The following DLGAP2 variants were observed in gnomAD, a reference collection of about 807,000 sequenced individuals.
DLGAP2 encodes DLG associated protein 2.
Under a neutral mutation model 100.3 loss-of-function variants are expected in DLGAP2, and 26 were observed. The observed-to-expected ratio is 0.26, with a 90% CI of 0.19 to 0.36. DLGAP2 has a LOEUF of 0.36. DLGAP2 is among the 10% of genes least tolerant of loss of function. DLGAP2 has a pLI of 1.00. For missense variants in DLGAP2, 1,858 were observed against 1,453.2 expected (o/e 1.28, Z -4.53); for synonymous variants, 886 against 630.1 (o/e 1.41, Z -6.08).
At chr8:1,587,954 T>C (rs1271308446) in intron 6 of DLGAP2, among the ~76,000 whole-genome samples, 2 of 152,164 alleles carry the variant, frequency 1.3e-5, no homozygotes, top group African/African-American at 4.8e-5. Context: ...ATGAGCTACT[T>C]TTCTGAGTTT....
intron 1 of DLGAP2, among the ~76,000 whole-genome samples, chr8:788,096 C>T (rs1298018258): frequency 6.6e-6 from 1 of 152,156 alleles, no homozygotes. Context: ...TGTTGGGTCT[C>T]CCCCCACCAG....
At chr8:1,457,990 A>ATATATATATG (rs1417967502) in intron 3 of DLGAP2, among the ~76,000 whole-genome samples, 2 of 116,402 alleles carry the variant, frequency 1.7e-5, no homozygotes, top group African/African-American at 9.1e-5. Context: ...ATATATATAT[A>ATATATATATG]TATATATATA....
intron 3 of DLGAP2, among the ~76,000 whole-genome samples, chr8:1,360,284 C>T (rs1326848414): frequency 6.6e-4 from 12 of 18,080 alleles, no homozygotes; most frequent in South Asian, 6.6e-3. Flanking sequence ...TTCTCTGGGG[C>T]GGGGCTTCTC....
At position 1,362,457 on chromosome 8, in the gene DLGAP2, C is replaced by T. The variant is rs139437769; in HGVS notation, c.106+103574C>T. Among the ~76,000 whole-genome samples the T allele has an allele frequency of 6.6e-3, 997 of 152,078 alleles. 6 individuals carry two copies. Among genetic ancestry groups the T allele is most frequent in the Non-Finnish European group, 1.0e-2 (679 of 67,944 alleles). The stretch of plus-strand genomic sequence containing the variant: ...GAGGCTCGGTAAGGGCTGGCGTGGT[C>T]CATGTGCAGCCTCCGGCGGGGACAC... On this transcript the variant is annotated intron_variant, in intron 3 of 14. Transcript: ENST00000637795.
chr8:850,982 G>A (rs575517104), intron 1 of DLGAP2, among the ~76,000 whole-genome samples: 27 of 152,284 alleles, frequency 1.8e-4, no homozygotes, highest in African/African-American at 6.0e-4. Flanking sequence ...CATGTACAGA[G>A]CTATGTGATG....
chr8:1,007,533 G>A (rs909552119), intron 2 of DLGAP2, among the ~76,000 whole-genome samples: 2 of 152,110 alleles, frequency 1.3e-5, no homozygotes, highest in African/African-American at 2.4e-5. Context: ...CAAGGCCAGC[G>A]GATGTACACG....
At chr8:1,655,251 T>G (rs1388923572) in intron 8 of DLGAP2, among the ~76,000 whole-genome samples, 1 of 152,232 alleles carries the variant, frequency 6.6e-6, no homozygotes, top group Non-Finnish European at 1.5e-5. Flanking sequence ...CTAGCATTAA[T>G]TAAAGTGTCA....
intron 3 of DLGAP2, among the ~76,000 whole-genome samples, chr8:1,467,015 G>T (rs74420326): frequency 0.15 from 22,408 of 150,336 alleles, 1,894 homozygotes; most frequent in South Asian, 0.27. Context: ...TCAAGAAAGT[G>T]GGGGGGATGT....
intron 6 of DLGAP2, among the ~76,000 whole-genome samples, chr8:1,613,332 A>T (rs980236462): frequency 6.6e-6 from 1 of 151,202 alleles, no homozygotes; most frequent in Non-Finnish European, 1.5e-5. Flanking sequence ...CATAGGTGGG[A>T]ACTGAACAAT....
Position 834,335 on chromosome 8 carries a change from T to C in DLGAP2, c.19-73577T>C, listed in dbSNP as rs1252199142. On this transcript the variant is annotated intron_variant, in intron 1 of 14. Coordinates refer to ENST00000637795, the MANE Select transcript of DLGAP2 (RefSeq NM_001346810.2). ...TTGTGGGCTTTAACATGGCAAAATA[T>C]GAGCCAGACATAAAGACAAGCTGAG... 5.3e-5 allele frequency among the ~76,000 whole-genome samples: 8 copies of C among 152,302 alleles called. No individual in the cohort carries two copies. In the East Asian group the frequency reaches 1.5e-3, roughly 29 times the overall value.
intron 3 of DLGAP2, among the ~76,000 whole-genome samples, chr8:1,344,113 A>ACTGTGGGCCCCGTCGTGGGTCCGTGTAC (rs1563094938): frequency 6.7e-6 from 1 of 149,388 alleles, no homozygotes. Flanking sequence ...GGGTCCATGT[A>ACTGTGGGCCCCGTCGTGGGTCCGTGTAC]TTCGGGGCCC....
At chr8:824,855 C>T (rs141707201) in intron 1 of DLGAP2, among the ~76,000 whole-genome samples, 1 of 152,126 alleles carries the variant, frequency 6.6e-6, no homozygotes, top group Non-Finnish European at 1.5e-5. Context: ...AGCCTCCAGC[C>T]GCAATTCACT....
chr8:1,255,247 A>C (rs1270733154), intron 2 of DLGAP2, among the ~76,000 whole-genome samples: 23 of 27,676 alleles, frequency 8.3e-4, no homozygotes, highest in African/African-American at 1.9e-3. Context: ...GTGCCCTCTC[A>C]TCCTGCCCGG....
At chr8:1,493,386 C>T (rs1004916975) in intron 3 of DLGAP2, among the ~76,000 whole-genome samples, 4 of 152,176 alleles carry the variant, frequency 2.6e-5, no homozygotes, top group Admixed American at 1.3e-4. Flanking sequence ...AGCTCTGAGA[C>T]GTGCCTCTGT....
chr8:1,506,566 C>T (rs73172578), intron 4 of DLGAP2, among the ~76,000 whole-genome samples: 18 of 152,264 alleles, frequency 1.2e-4, no homozygotes, highest in South Asian at 2.1e-4. Flanking sequence ...GTGCATACAG[C>T]GTAAAAATTA....
chr8:961,981 G>A (rs1799735545), intron 2 of DLGAP2, among the ~76,000 whole-genome samples: 1 of 152,210 alleles, frequency 6.6e-6, no homozygotes, highest in Non-Finnish European at 1.5e-5. Context: ...CGCCACCAGT[G>A]TGGCCATCCA....
chr8:797,043 A>T (rs991142198), intron 1 of DLGAP2, among the ~76,000 whole-genome samples: 7 of 152,224 alleles, frequency 4.6e-5, no homozygotes, highest in African/African-American at 1.7e-4. Flanking sequence ...GGCAGAGTCA[A>T]TATTACTTTC....
At chr8:1,319,235 G>A (rs1269652991) in intron 3 of DLGAP2, among the ~76,000 whole-genome samples, 1 of 152,170 alleles carries the variant, frequency 6.6e-6, no homozygotes, top group Non-Finnish European at 1.5e-5. Context: ...GAACTGCTAA[G>A]TTCTCAGCTA....
chr8:1,654,606 A>G (rs2130815030), intron 8 of DLGAP2, among the ~76,000 whole-genome samples: 1 of 149,532 alleles, frequency 6.7e-6, no homozygotes, highest in East Asian at 2.0e-4. Flanking sequence ...GGTTGCAGTG[A>G]GCTGCGATCA....
Sources: gnomAD v4.1 joint callset for allele counts (sites outside exome capture counted in the v4.1 genomes callset) on GRCh38, gnomAD v4.1.1 for gene constraint, MANE v1.5 for transcripts, NCBI Gene and HGNC (gene_info 2026-07-23, HGNC 2026-07-21) for gene names.